The following IGF2BP3 variants were observed in gnomAD, a reference collection of about 807,000 sequenced individuals.
IGF2BP3 encodes the protein insulin like growth factor 2 mRNA binding protein 3, also known as insulin-like growth factor 2 mRNA-binding protein 3.
In IGF2BP3, 9 loss-of-function variants were observed where a neutral mutation model predicts 73.8. The observed-to-expected ratio is 0.12, with a 90% CI of 0.07 to 0.21. The LOEUF is 0.21. IGF2BP3 is among the 10% of genes least tolerant of loss of function. IGF2BP3 has a pLI of 1.00. For missense variants in IGF2BP3, 542 were observed against 714.0 expected (o/e 0.76, Z 2.75); for synonymous variants, 258 against 256.7 (o/e 1.01, Z -0.05).
chr7:23,341,823 T>C (rs1415670511), intron 10 of IGF2BP3, among the ~76,000 whole-genome samples: 1 of 152,130 alleles, frequency 6.6e-6, no homozygotes, highest in African/African-American at 2.4e-5. Flanking sequence ...ACTAAGTTTC[T>C]TCCCCTGCCA....
At chr7:23,459,704 G>A (rs756776832) in intron 2 of IGF2BP3, among the ~76,000 whole-genome samples, 49 of 151,954 alleles carry the variant, frequency 3.2e-4, no homozygotes, top group Non-Finnish European at 4.3e-4. Context: ...GGTGGTGTGC[G>A]CCTGTAATCT....
chr7:23,434,228 G>A (rs894659389), intron 2 of IGF2BP3, among the ~76,000 whole-genome samples: 1 of 151,958 alleles, frequency 6.6e-6, no homozygotes, highest in African/African-American at 2.4e-5. Flanking sequence ...TTTTGAATAC[G>A]GGGTATGTCT....
At chr7:23,433,347 G>C (rs1284584137) in intron 2 of IGF2BP3, among the ~76,000 whole-genome samples, 1 of 152,156 alleles carries the variant, frequency 6.6e-6, no homozygotes, top group Non-Finnish European at 1.5e-5. Flanking sequence ...TACTTGAAAT[G>C]TGGCTAGTCT....
intron 5 of IGF2BP3, among the ~76,000 whole-genome samples, chr7:23,359,425 TTTAAG>T: frequency 6.6e-6 from 1 of 152,370 alleles, no homozygotes; most frequent in South Asian, 2.1e-4. Context: ...CTTTAGCTAA[TTTAAG>T]TTTTCAAATA....
chr7:23,344,001 C>T, intron 8 of IGF2BP3, 148 bp from the exon 9 acceptor site: 1 of 706,806 alleles, frequency 1.4e-6, no homozygotes, highest in Non-Finnish European at 2.3e-6. Flanking sequence ...AATGAGTAAG[C>T]CCCAAAAGAC....
At chr7:23,379,876 C>T (rs1045395420) in intron 3 of IGF2BP3, among the ~76,000 whole-genome samples, 4 of 152,126 alleles carry the variant, frequency 2.6e-5, no homozygotes, top group African/African-American at 4.8e-5. Flanking sequence ...CATGCACTGG[C>T]TATACACGGG....
chr7:23,319,371 G>A, intron 10 of IGF2BP3, 117 bp from the exon 11 acceptor site: 1 of 668,840 alleles, frequency 1.5e-6, no homozygotes, highest in South Asian at 1.9e-5. Context: ...AAAGTTTAAG[G>A]AAAAGCTACC....
At chr7:23,439,270 T>C (rs1787873921) in intron 2 of IGF2BP3, among the ~76,000 whole-genome samples, 1 of 151,714 alleles carries the variant, frequency 6.6e-6, no homozygotes, top group South Asian at 2.1e-4. Flanking sequence ...GTGACATGTT[T>C]GGCCGGGCAC....
At chr7:23,460,178 CA>C (rs757381858) in intron 2 of IGF2BP3, among the ~76,000 whole-genome samples, 63 of 55,162 alleles carry the variant, frequency 1.1e-3, no homozygotes, top group East Asian at 2.4e-3. Context: ...GACCCTGCCT[CA>C]AAAAAAAAAA....
At chr7:23,401,053 C>T (rs1269659799) in intron 3 of IGF2BP3, among the ~76,000 whole-genome samples, 1 of 152,132 alleles carries the variant, frequency 6.6e-6, no homozygotes, top group African/African-American at 2.4e-5. Flanking sequence ...TGCCTGCCTC[C>T]CCCAAAGTGC....
In IGF2BP3 at chr7:23,376,374, A is replaced by G. The variant is rs34829051; in HGVS notation, c.286-14633T>C. ...GAGTTTGGAGACCCTATCTCTACTA[A>G]AAATACAAAAATTAGCCGGGCATGG... is the stretch of plus-strand genomic sequence containing the variant. On this transcript the variant is annotated intron_variant, in intron 3 of 14. Coordinates refer to ENST00000258729, the MANE Select transcript of IGF2BP3 (RefSeq NM_006547.3). Among the ~76,000 whole-genome samples the G allele has an allele frequency of 6.9e-3, 1,045 of 151,390 alleles. 12 individuals carry two copies. Among genetic ancestry groups the G allele is most frequent in the African/African-American group, 0.024 (1,000 of 41,234 alleles).
intron 3 of IGF2BP3, among the ~76,000 whole-genome samples, chr7:23,374,689 T>A (rs551354027): frequency 6.6e-6 from 1 of 151,818 alleles, no homozygotes; most frequent in African/African-American, 2.4e-5. Flanking sequence ...ATAGTGACGA[T>A]GATGATGATG....
At chr7:23,365,064 G>A (rs773131688) in intron 3 of IGF2BP3, among the ~76,000 whole-genome samples, 2 of 152,126 alleles carry the variant, frequency 1.3e-5, no homozygotes, top group Non-Finnish European at 2.9e-5. Context: ...TACCCAGGAG[G>A]CTGAGGCAGG....
At position 23,321,420 on chromosome 7, in the gene IGF2BP3, G is replaced by A. The variant is rs531402159; in HGVS notation, c.1204-2166C>T. Among the ~76,000 whole-genome samples, 53 of 151,112 alleles carry A rather than the reference G, an allele frequency of 3.5e-4. 1 individual carries two copies. The East Asian group carries it at 6.1e-3, about 17-fold the overall frequency. ...TATCCCGCACCTGGCTCGGAGGGTC[G>A]TACGCCCACGGAGTCTCGCTGATTG... On this transcript the variant is annotated intron_variant, in intron 10 of 14. Coordinates refer to ENST00000258729, the MANE Select transcript of IGF2BP3 (RefSeq NM_006547.3).
At chr7:23,435,449 GT>G (rs367828498) in intron 2 of IGF2BP3, among the ~76,000 whole-genome samples, 53,197 of 146,270 alleles carry the variant, frequency 0.36, 9,752 homozygotes, top group African/African-American at 0.44. Flanking sequence ...AACATCTAAA[GT>G]TTTTTTTTTT....
intron 2 of IGF2BP3, among the ~76,000 whole-genome samples, chr7:23,453,763 T>C (rs544217642): frequency 6.6e-6 from 1 of 152,328 alleles, no homozygotes; most frequent in South Asian, 2.1e-4. Flanking sequence ...ATCTTATTCA[T>C]TTTTCTCCAA....
At chr7:23,351,204 T>C (rs1393234213) in intron 6 of IGF2BP3, 101 bp downstream of exon 6, 1 of 1,303,678 alleles carries the variant, frequency 7.7e-7, no homozygotes, top group Non-Finnish European at 1.1e-6. Context: ...GGAGTCCTCA[T>C]GGCTGTGTTC....
In IGF2BP3 at chr7:23,381,015, T is replaced by C. The variant is rs1157011982; in HGVS notation, c.286-19274A>G. 2.0e-5 allele frequency among the ~76,000 whole-genome samples: 3 copies of C among 152,230 alleles called. No individual in the cohort carries two copies. In the East Asian group the frequency reaches 5.8e-4, roughly 29 times the overall value. Reference sequence around the variant, plus strand: ...TCCAACCTAACCCAGGGGCTTGTTTTTACTGTGGAAGGCCATTCACTTGTC... The same window carrying C: ...TCCAACCTAACCCAGGGGCTTGTTTCTACTGTGGAAGGCCATTCACTTGTC... On this transcript the variant is annotated intron_variant, in intron 3 of 14. Transcript: ENST00000258729.
chr7:23,459,893 A>G (rs1788405176), intron 2 of IGF2BP3, among the ~76,000 whole-genome samples: 1 of 151,676 alleles, frequency 6.6e-6, no homozygotes, highest in African/African-American at 2.4e-5. Context: ...GGTTCAGACA[A>G]TTTTCCCAAT....
Sources: allele counts gnomAD v4.1 joint callset (sites outside exome capture counted in the v4.1 genomes callset), GRCh38; gene constraint gnomAD v4.1.1; transcripts MANE v1.5; gene names NCBI Gene and HGNC (gene_info 2026-07-23, HGNC 2026-07-21).